Variants in PDE8B observed in about 807,000 individuals in gnomAD.
The protein encoded by PDE8B is high affinity cAMP-specific and IBMX-insensitive 3',5'-cyclic phosphodiesterase 8B.
Under a neutral mutation model 101.3 loss-of-function variants are expected in PDE8B, and 26 were observed. That is an observed-to-expected ratio of 0.26 (90% CI 0.19 to 0.36). PDE8B has a LOEUF of 0.36. PDE8B is among the 10% of genes least tolerant of loss of function. The pLI is 1.00. For synonymous variants in PDE8B, 424 were observed against 429.3 expected (o/e 0.99, Z 0.15); for missense variants, 810 against 1,163.1 (o/e 0.70, Z 4.42).
intron 1 of PDE8B, among the ~76,000 whole-genome samples, chr5:77,281,020 G>A (rs1764871737): frequency 6.6e-6 from 1 of 152,262 alleles, no homozygotes; most frequent in East Asian, 1.9e-4. Flanking sequence ...AGGTCCACCT[G>A]CCGAGGGGCT....
intron 10 of PDE8B, among the ~76,000 whole-genome samples, chr5:77,381,829 C>A (rs993335831): frequency 6.6e-6 from 1 of 152,036 alleles, no homozygotes; most frequent in Non-Finnish European, 1.5e-5. Flanking sequence ...TAATAAAAAT[C>A]AATGTTTTAA....
At position 77,283,382 on chromosome 5, in the gene PDE8B, C is replaced by T. The variant is rs529542592; in HGVS notation, c.340-28612C>T. 3.9e-5 allele frequency among the ~76,000 whole-genome samples: 6 copies of T among 152,288 alleles called. No homozygotes were observed. In the South Asian group the frequency reaches 1.0e-3, roughly 26 times the overall value. ...AGTCCATAGTTTACATTAGGGTTCA[C>T]TCTTGATGTTGTACCTTCTGGGGAG... On this transcript the variant is annotated intron_variant, in intron 1 of 21. Coordinates refer to ENST00000264917, the MANE Select transcript of PDE8B (RefSeq NM_003719.5).
intron 10 of PDE8B, among the ~76,000 whole-genome samples, chr5:77,361,577 C>T (rs949108501): frequency 2.7e-5 from 4 of 150,682 alleles, no homozygotes; most frequent in East Asian, 1.9e-4. Flanking sequence ...TGCAGTGGCG[C>T]GATCTCGGCT....
the PDE8B span, among the ~76,000 whole-genome samples, chr5:77,111,239 TGGGG>T: frequency 2.2e-4 from 33 of 152,148 alleles, no homozygotes; most frequent in Non-Finnish European, 4.3e-4. Flanking sequence ...TTTGGGAAGA[TGGGG>T]CTCATTCACA....
At chr5:77,143,953 T>A in the PDE8B span, 1 of 150,572 alleles carries the variant, frequency 6.6e-6, no homozygotes, top group Admixed American at 6.6e-5. Context: ...CATACATCAG[T>A]ATTTGGGAAA....
chr5:77,351,000 A>G, intron 8 of PDE8B, 65 bp from the exon 9 acceptor site: 1 of 1,130,830 alleles, frequency 8.8e-7, no homozygotes. Context: ...GCCTTCTGAG[A>G]CCCTCTGCAG....
At chr5:77,367,666 G>A (rs1339590148) in intron 10 of PDE8B, among the ~76,000 whole-genome samples, 1 of 151,832 alleles carries the variant, frequency 6.6e-6, no homozygotes, top group Admixed American at 6.6e-5. Flanking sequence ...AAGTAGCTGG[G>A]ACTACAGGCA....
intron 10 of PDE8B, among the ~76,000 whole-genome samples, chr5:77,363,163 G>A (rs972630321): frequency 1.8e-4 from 27 of 152,212 alleles, no homozygotes; most frequent in Admixed American, 6.5e-5. Context: ...AACTCCAGGA[G>A]GGAGATACTA....
At chr5:77,387,564 C>A (rs575314350) in intron 10 of PDE8B, among the ~76,000 whole-genome samples, 1 of 152,164 alleles carries the variant, frequency 6.6e-6, no homozygotes, top group African/African-American at 2.4e-5. Flanking sequence ...TGGGGTTGCT[C>A]TTCTCGAGGA....
chr5:77,189,699 G>A, the PDE8B span, among the ~76,000 whole-genome samples: 4 of 152,328 alleles, frequency 2.6e-5, no homozygotes, highest in Non-Finnish European at 4.4e-5. Flanking sequence ...GGCAGCAGGA[G>A]CTGAGGGCAG....
chr5:77,100,661 A>G, the PDE8B span, among the ~76,000 whole-genome samples: 1 of 152,176 alleles, frequency 6.6e-6, no homozygotes, highest in Admixed American at 6.5e-5. Context: ...GCACTTGTTC[A>G]AAGAGCTGGC....
intron 7 of PDE8B, among the ~76,000 whole-genome samples, chr5:77,346,599 C>A (rs533170860): frequency 6.6e-6 from 1 of 152,316 alleles, no homozygotes; most frequent in South Asian, 2.1e-4. Flanking sequence ...TGATATTAAT[C>A]ATCTCCCAGC....
chr5:77,291,878 T>C, intron 1 of PDE8B: 1 of 1,346,832 alleles, frequency 7.4e-7, no homozygotes, highest in East Asian at 2.3e-5. Flanking sequence ...AAAATTAAAG[T>C]TTTCCTTGAA....
chr5:77,414,608 T>C (rs1795170859), intron 17 of PDE8B, among the ~76,000 whole-genome samples: 1 of 151,668 alleles, frequency 6.6e-6, no homozygotes, highest in Non-Finnish European at 1.5e-5. Flanking sequence ...TTTTTTGTAT[T>C]TTTAGTAGAG....
the PDE8B span, among the ~76,000 whole-genome samples, chr5:77,122,854 G>A: frequency 6.6e-6 from 1 of 152,142 alleles, no homozygotes; most frequent in Non-Finnish European, 1.5e-5. Flanking sequence ...TTAAGACATT[G>A]GGTAAGAGTC....
intron 2 of PDE8B, among the ~76,000 whole-genome samples, chr5:77,323,694 C>T (rs1775501689): frequency 6.6e-6 from 1 of 152,156 alleles, no homozygotes; most frequent in African/African-American, 2.4e-5. Context: ...GCATGTGGCT[C>T]ATGCTTGTGA....
At chr5:77,250,618 T>C (rs1181115571) in intron 1 of PDE8B, among the ~76,000 whole-genome samples, 1 of 152,182 alleles carries the variant, frequency 6.6e-6, no homozygotes, top group Non-Finnish European at 1.5e-5. Context: ...GACTTTTGTA[T>C]TTTTGCCTGC....
intron 4 of PDE8B, among the ~76,000 whole-genome samples, chr5:77,329,908 A>G (rs1344771670): frequency 6.6e-6 from 1 of 152,206 alleles, no homozygotes; most frequent in Non-Finnish European, 1.5e-5. Context: ...TGTGGATACA[A>G]CAGGAAATCA....
intron 1 of PDE8B, among the ~76,000 whole-genome samples, chr5:77,261,654 C>T (rs368059597): frequency 5.3e-5 from 8 of 152,336 alleles, no homozygotes; most frequent in South Asian, 2.1e-4. Flanking sequence ...CCTAGATTGC[C>T]GGCCAGAGGG....
Sources: gnomAD v4.1 joint callset for allele counts (sites outside exome capture counted in the v4.1 genomes callset) on GRCh38, gnomAD v4.1.1 for gene constraint, MANE v1.5 for transcripts, NCBI Gene and HGNC (gene_info 2026-07-23, HGNC 2026-07-21) for gene names.